The following TFAP4 variants were observed in gnomAD, a reference collection of about 807,000 sequenced individuals.
TFAP4 encodes the protein transcription factor AP-4, also known as activating enhancer-binding protein 4.
In TFAP4, 7 loss-of-function variants were observed where a neutral mutation model predicts 40.4. That is an observed-to-expected ratio of 0.17 (90% confidence interval 0.10 to 0.33). The LOEUF (loss-of-function observed/expected upper bound fraction) is 0.33, where lower values mean the gene tolerates loss of function less well. TFAP4 is among the 10% of genes least tolerant of loss of function. The pLI, the probability that TFAP4 is intolerant of heterozygous loss-of-function variation, is 1.00. For synonymous variants in TFAP4, 218 were observed against 181.4 expected, an observed-to-expected ratio of 1.20 and a Z score of -1.62; for missense variants, 374 against 451.1, an observed-to-expected ratio of 0.83 and a Z score of 1.55.
At chr16:4,262,740 C>T (rs1464742758) in intron 1 of TFAP4, 39 bp from the exon 2 acceptor site, 2 of 1,594,802 alleles carry the variant, frequency 1.3e-6, no homozygotes, top group East Asian at 2.2e-5. Context: ...CCAAGGCGCC[C>T]TCTTCATCAT....
chr16:4,259,516 T>A (rs987962022), intron 6 of TFAP4, among the ~76,000 whole-genome samples: 2 of 152,248 alleles, frequency 1.3e-5, no homozygotes, highest in African/African-American at 2.4e-5. Context: ...TTGCAAAGTT[T>A]ATGAGCAATT....
chr16:4,265,710 C>T (rs997446691), intron 1 of TFAP4: 2 of 150,390 alleles, frequency 1.3e-5, no homozygotes, highest in African/African-American at 2.4e-5. Flanking sequence ...ACATTTTTCC[C>T]TGCCTGATTC....
In TFAP4 at chr16:4,257,778, C is replaced by T. The variant is rs1289875112; in HGVS notation, c.*277G>A. The T allele has an allele frequency of 1.1e-5, 4 of 375,584 alleles. No homozygotes were observed. In the South Asian group the frequency reaches 2.2e-4, roughly 20 times the overall value. 23.3% of individuals were successfully genotyped at this position (375,584 alleles called of 1,614,324 possible). On this transcript the variant is annotated 3_prime_UTR_variant, in exon 7 of 7. Coordinates refer to ENST00000204517, the MANE Select transcript of TFAP4 (RefSeq NM_003223.3). ...AAAATGCTTTTTGGCAGAGAGAGGC[C>T]AGGCATCTCCGTGTCAGCTTCCTCC...
At chr16:4,269,804 C>T (rs1432184846) in intron 1 of TFAP4, among the ~76,000 whole-genome samples, 1 of 126,038 alleles carries the variant, frequency 7.9e-6, no homozygotes, top group Non-Finnish European at 1.7e-5. Context: ...AGTGAGAGTC[C>T]ATCTCAAAAC....
intron 3 of TFAP4, 44 bp from the exon 4 acceptor site, chr16:4,261,993 A>G (rs1021437919): frequency 8.4e-6 from 13 of 1,540,038 alleles, no homozygotes; most frequent in Non-Finnish European, 1.1e-5. Flanking sequence ...ACACCTCGGT[A>G]CCACCACGGA....
At position 4,257,901 on chromosome 16, in the gene TFAP4, A is replaced by G; in HGVS notation, c.*154T>C. 1.3e-6 allele frequency: 1 copy of G among 767,362 alleles called. No individual in the cohort carries two copies. The highest frequency in any genetic ancestry group is 2.0e-6 in the Non-Finnish European group (1 of 493,234). 47.5% of individuals were successfully genotyped at this position (767,362 alleles called of 1,614,324 possible). Reference sequence around the variant, plus strand: ...CCTCGGGTTGAGTGGCTTCGTTCAAAGGTCGATTTACAGTATTGAAAAAGA... The same window carrying G: ...CCTCGGGTTGAGTGGCTTCGTTCAAGGGTCGATTTACAGTATTGAAAAAGA... On this transcript the variant is annotated 3_prime_UTR_variant, in exon 7 of 7. Coordinates refer to ENST00000204517, the MANE Select transcript of TFAP4 (RefSeq NM_003223.3).
intron 6 of TFAP4, among the ~76,000 whole-genome samples, chr16:4,259,878 C>CT (rs1398997252): frequency 6.6e-6 from 1 of 152,236 alleles, no homozygotes; most frequent in Non-Finnish European, 1.5e-5. Context: ...CCAACTCCTC[C>CT]TACTGGCGTG....
At chr16:4,270,777 C>G (rs2053034393) in intron 1 of TFAP4, among the ~76,000 whole-genome samples, 1 of 152,206 alleles carries the variant, frequency 6.6e-6, no homozygotes, top group East Asian at 1.9e-4. Flanking sequence ...GCCCCCCAAC[C>G]CTGCCCAGGA....
chr16:4,265,293 A>G (rs901073894), intron 1 of TFAP4: 1 of 152,218 alleles, frequency 6.6e-6, no homozygotes, highest in Non-Finnish European at 1.5e-5. Context: ...AGATGCCCCA[A>G]CTGGCAGGTG....
At chr16:4,267,547 G>A (rs1377443300) in intron 1 of TFAP4, among the ~76,000 whole-genome samples, 16 of 152,250 alleles carry the variant, frequency 1.1e-4, no homozygotes, top group Non-Finnish European at 2.1e-4. Context: ...GACACTTGGA[G>A]GCATGGGGCA....
rs1033249905 is a variant in TFAP4 at position 4,260,236 on chromosome 16, G to C, written c.676C>G (p.Pro226Ala). Residue 226 changes from proline to alanine, a missense_variant, in exon 6 of 7, where the codon CCT becomes GCT. Pro to Ala is a conservative substitution (Grantham distance 27, BLOSUM62 -1). Around this residue, in one of 6 missense-constraint regions of TFAP4, gnomAD observed 161 missense variants for 154.2 expected, o/e 1.04. Coordinates refer to ENST00000204517, the MANE Select transcript of TFAP4 (RefSeq NM_003223.3). The part of the protein sequence containing the change: ...QQQLRTQLLP[P>A]PAPTHHPTVI... ...GTGGGGTGGTGGGTGGGGGCCGGAG[G>C]GGGCAGAAGCTGCAAGACAGAGGCC... 3 of 1,563,356 alleles carry C rather than the reference G, an allele frequency of 1.9e-6. No individual in the cohort carries two copies. Among genetic ancestry groups the C allele is most frequent in the African/African-American group, 1.4e-5 (1 of 72,640 alleles).
At chr16:4,264,429 CCTT>C (rs1369960378) in intron 1 of TFAP4, 2 of 152,408 alleles carry the variant, frequency 1.3e-5, no homozygotes, top group Non-Finnish European at 2.9e-5. Flanking sequence ...AAATCAGCCT[CCTT>C]CCGTCCTCAT....
At chr16:4,265,713 C>T (rs540807216) in intron 1 of TFAP4, 4 of 151,792 alleles carry the variant, frequency 2.6e-5, no homozygotes, top group African/African-American at 7.3e-5. Context: ...TTTTTCCCTG[C>T]CTGATTCTCA....
In TFAP4 at chr16:4,260,603, C is replaced by T. The variant is rs769256327; in HGVS notation, c.526-8G>A. ...GGCCTCCAGCGAGCGCACCTGGAGG[C>T]AGGACAACCTGGGCTCAGGGCCAAG... On this transcript the variant is annotated splice_polypyrimidine_tract_variant and splice_region_variant and intron_variant, in intron 4 of 6. Transcript: ENST00000204517. The T allele has an allele frequency of 4.4e-6, 7 of 1,587,084 alleles. No homozygotes were observed. In the South Asian group the frequency reaches 7.9e-5, roughly 18 times the overall value.
At position 4,262,008 on chromosome 16, in the gene TFAP4, G is replaced by A. The variant is rs562411120; in HGVS notation, c.355-59C>T. On this transcript the variant is annotated intron_variant, in intron 3 of 6. Coordinates refer to ENST00000204517, the MANE Select transcript of TFAP4 (RefSeq NM_003223.3). ...ACACCTCGGTACCACCACGGAGATTGGGGTTCCATCGCAGCCCCCCAAAGC... is the reference window on the plus strand; with the variant it reads ...ACACCTCGGTACCACCACGGAGATTAGGGTTCCATCGCAGCCCCCCAAAGC... 1.5e-3 allele frequency: 2,221 copies of A among 1,506,640 alleles called. 9 individuals carry two copies. Among genetic ancestry groups the A allele is most frequent in the South Asian group, 4.5e-3 (345 of 76,796 alleles). The allele number at this position is 1,506,640 out of a possible 1,614,324, so 93.3% of individuals were successfully genotyped here. A position where few individuals can be genotyped will look rare whatever the true frequency, so the allele number is the denominator to read the frequency against.
chr16:4,263,004 T>C (rs1477306909), intron 1 of TFAP4: 1 of 349,722 alleles, frequency 2.9e-6, no homozygotes, highest in East Asian at 6.2e-5. Flanking sequence ...TGAGACCCTG[T>C]CTCTACAAAA....
intron 4 of TFAP4, among the ~76,000 whole-genome samples, chr16:4,260,898 G>T (rs573709802): frequency 5.1e-4 from 78 of 152,346 alleles, no homozygotes; most frequent in African/African-American, 1.9e-3. Flanking sequence ...TGGAGATGCC[G>T]TGGGGCGTCC....
chr16:4,260,680 C>G, intron 4 of TFAP4, 85 bp from the exon 5 acceptor site: 9 of 1,458,168 alleles, frequency 6.2e-6, no homozygotes, highest in Non-Finnish European at 8.2e-6. Context: ...TTCACTCCTG[C>G]TGAAAACCCT....
chr16:4,267,664 C>T (rs1356097662), intron 1 of TFAP4, among the ~76,000 whole-genome samples: 2 of 152,218 alleles, frequency 1.3e-5, no homozygotes, highest in African/African-American at 2.4e-5. Context: ...AGCCTCAAAC[C>T]GGCCACTGAG....
Sources: allele counts gnomAD v4.1 joint callset (sites outside exome capture counted in the v4.1 genomes callset), GRCh38; gene constraint gnomAD v4.1.1; regional missense constraint gnomAD v4.1.1; transcripts MANE v1.5; gene names NCBI Gene and HGNC (gene_info 2026-07-23, HGNC 2026-07-21).